ELAVL4: variants seen among roughly 807,000 people sequenced by gnomAD.
The protein encoded by ELAVL4 is ELAV-like protein 4.
In ELAVL4, 1 loss-of-function variant was observed where a neutral mutation model predicts 35.6. The ratio of observed to expected loss-of-function variants is 0.03; its 90% CI spans 0.01 to 0.13. ELAVL4 has a LOEUF of 0.13. Among genes scored for constraint, ELAVL4 ranks in the 10% least tolerant of loss-of-function variants. The probability of loss-of-function intolerance (pLI) is 1.00; values close to 1 mark genes in which losing one functional copy is unlikely to be tolerated. For missense variants in ELAVL4, 267 were observed against 464.9 expected, an observed-to-expected ratio of 0.57 and a Z score of 3.91; for synonymous variants, 156 against 171.0, an observed-to-expected ratio of 0.91 and a Z score of 0.69.
At chr1:50,184,723 G>T (rs1449993636) in intron 3 of ELAVL4, among the ~76,000 whole-genome samples, 1 of 152,138 alleles carries the variant, frequency 6.6e-6, no homozygotes, top group South Asian at 2.1e-4. Flanking sequence ...TATCAGAGTA[G>T]AATGTTTGCC....
At chr1:50,077,988 C>T (rs535906982) in intron 1 of ELAVL4, among the ~76,000 whole-genome samples, 1 of 152,092 alleles carries the variant, frequency 6.6e-6, no homozygotes, top group Non-Finnish European at 1.5e-5. Context: ...CTGTCACTAG[C>T]CTACATGACC....
intron 3 of ELAVL4, among the ~76,000 whole-genome samples, chr1:50,186,904 C>G (rs777514272): frequency 7.2e-5 from 11 of 152,164 alleles, no homozygotes; most frequent in Non-Finnish European, 1.6e-4. Context: ...TAAGCAGATG[C>G]CTGTCCTGCC....
chr1:50,078,677 G>A (rs1393653632), intron 1 of ELAVL4, among the ~76,000 whole-genome samples: 1 of 152,128 alleles, frequency 6.6e-6, no homozygotes, highest in Non-Finnish European at 1.5e-5. Flanking sequence ...ACCCCTTTGA[G>A]GATACGATCT....
chr1:50,051,211 A>G (rs576716524), intron 1 of ELAVL4, among the ~76,000 whole-genome samples: 13 of 152,294 alleles, frequency 8.5e-5, no homozygotes, highest in African/African-American at 2.6e-4. Context: ...ATCCACAAAG[A>G]GTATGCTAAC....
At position 50,066,777 on chromosome 1, in the gene ELAVL4, G is replaced by A. The variant is rs181593119; in HGVS notation, c.18+18595G>A. On this transcript the variant is annotated intron_variant, in intron 1 of 6. Transcript: ENST00000448907. ...TTAGGAAAATACTCTCTACACAAAA[G>A]CATTTTTTACTCAGCCTTAATCTTA... 5.2e-4 allele frequency among the ~76,000 whole-genome samples: 79 copies of A among 152,128 alleles called. 2 individuals are homozygous for A. Among genetic ancestry groups the A allele is most frequent in the Admixed American group, 1.1e-3 (17 of 15,268 alleles).
chr1:50,091,270 T>A (rs1665481946), intron 1 of ELAVL4, among the ~76,000 whole-genome samples: 1 of 152,230 alleles, frequency 6.6e-6, no homozygotes, highest in Non-Finnish European at 1.5e-5. Flanking sequence ...CAGATACGCT[T>A]ACAGGAAACC....
chr1:50,145,222 T>C (rs755693982), intron 2 of ELAVL4, 25 bp downstream of exon 2: 3 of 1,613,008 alleles, frequency 1.9e-6, no homozygotes, highest in Admixed American at 3.3e-5. Flanking sequence ...TGAAGCTATG[T>C]TGTTCCATTA....
At chr1:50,086,448 T>C (rs1227103596) in intron 1 of ELAVL4, among the ~76,000 whole-genome samples, 1 of 149,954 alleles carries the variant, frequency 6.7e-6, no homozygotes, top group Non-Finnish European at 1.5e-5. Flanking sequence ...GGTATTTCTT[T>C]GTTTAGTTCC....
intron 1 of ELAVL4, among the ~76,000 whole-genome samples, chr1:50,141,008 G>T (rs891030568): frequency 6.6e-6 from 1 of 152,174 alleles, no homozygotes; most frequent in Non-Finnish European, 1.5e-5. Context: ...CACATAGAAT[G>T]CAAGGAAGGC....
chr1:50,062,079 T>C (rs977974388), intron 1 of ELAVL4, among the ~76,000 whole-genome samples: 4 of 152,330 alleles, frequency 2.6e-5, no homozygotes, highest in African/African-American at 9.6e-5. Flanking sequence ...TTAACCATTA[T>C]GGTATGTTGC....
intron 1 of ELAVL4, among the ~76,000 whole-genome samples, chr1:50,086,964 G>A (rs1036454453): frequency 5.3e-5 from 8 of 152,122 alleles, no homozygotes; most frequent in Non-Finnish European, 1.0e-4. Context: ...TTTAGCTAAA[G>A]GAAGAGATTC....
intron 2 of ELAVL4, among the ~76,000 whole-genome samples, chr1:50,169,779 C>T (rs528387970): frequency 6.6e-6 from 1 of 152,288 alleles, no homozygotes; most frequent in South Asian, 2.1e-4. Flanking sequence ...ATGAAGCCTT[C>T]CCTACTCTAC....
At chr1:50,190,595 G>A (rs1191992106) in intron 3 of ELAVL4, among the ~76,000 whole-genome samples, 1 of 152,198 alleles carries the variant, frequency 6.6e-6, no homozygotes, top group Admixed American at 6.5e-5. Context: ...TTTGGGATTT[G>A]TTGCTGCCTT....
intron 1 of ELAVL4, among the ~76,000 whole-genome samples, chr1:50,066,565 T>A (rs1390007417): frequency 1.3e-5 from 2 of 152,188 alleles, no homozygotes; most frequent in East Asian, 3.8e-4. Flanking sequence ...ACTCAGCACG[T>A]CCAGATGCAT....
Position 50,154,125 on chromosome 1 carries a change from C to T in ELAVL4, c.250+8928C>T, listed in dbSNP as rs139899250. Among the ~76,000 whole-genome samples, 1,279 of 152,264 alleles carry T rather than the reference C, an allele frequency of 8.4e-3. 13 individuals carry two copies. Among genetic ancestry groups the T allele is most frequent in the African/African-American group, 0.03 (1,227 of 41,530 alleles). On this transcript the variant is annotated intron_variant, in intron 2 of 6. Transcript: ENST00000371824. ...CTCTGTCGGGTAAATGGGGATACCA[C>T]CTTTGTGTCAGTGAAATATCTGAAG...
Position 50,153,435 on chromosome 1 carries a change from C to G in ELAVL4, c.250+8238C>G, listed in dbSNP as rs1356556991. 2.0e-5 allele frequency among the ~76,000 whole-genome samples: 3 copies of G among 152,314 alleles called. 1 individual carries two copies. The highest frequency in any genetic ancestry group is 2.0e-4 in the Admixed American group (3 of 15,298). The stretch of plus-strand genomic sequence containing the variant: ...GAACCCAAGACCTAGAATTAGTCAG[C>G]TGGTGAGTGGGGTTAGGGCATCTGA... On this transcript the variant is annotated intron_variant, in intron 2 of 6. Coordinates refer to ENST00000371824, the MANE Select transcript of ELAVL4 (RefSeq NM_001144774.3).
chr1:50,104,041 G>A, upstream of ELAVL4: 1 of 1,608,498 alleles, frequency 6.2e-7, no homozygotes, highest in South Asian at 1.1e-5. Context: ...GCAGATGGTA[G>A]ACCGTCAATG....
chr1:50,066,757 A>G (rs1162915110), intron 1 of ELAVL4, among the ~76,000 whole-genome samples: 1 of 152,118 alleles, frequency 6.6e-6, no homozygotes, highest in Non-Finnish European at 1.5e-5. Context: ...TATTCTTAGG[A>G]AAATACTCTC....
chr1:50,113,790 A>G (rs1190719896), intron 1 of ELAVL4, among the ~76,000 whole-genome samples: 3 of 152,220 alleles, frequency 2.0e-5, no homozygotes, highest in South Asian at 4.1e-4. Flanking sequence ...CATGTAATGT[A>G]TATGTGGAAA....
Sources: gnomAD v4.1 joint callset for allele counts (sites outside exome capture counted in the v4.1 genomes callset) on GRCh38, gnomAD v4.1.1 for gene constraint, MANE v1.5 for transcripts, NCBI Gene and HGNC (gene_info 2026-07-23, HGNC 2026-07-21) for gene names.